Variants in CELF2 observed in about 807,000 individuals in gnomAD.
CELF2 encodes the protein CUG triplet repeat RNA-binding protein 2.
Under a neutral mutation model 62.6 loss-of-function variants are expected in CELF2, and 8 were observed. The observed-to-expected ratio is 0.13, with a 90% CI of 0.07 to 0.23. The LOEUF is 0.23. Ranked by LOEUF, CELF2 falls within the 10% of genes least tolerant of loss-of-function variation. The probability of loss-of-function intolerance (pLI) is 1.00; values close to 1 mark genes in which losing one functional copy is unlikely to be tolerated. For synonymous variants in CELF2, 258 were observed against 250.0 expected, an observed-to-expected ratio of 1.03 and a Z score of -0.30; for missense variants, 333 against 671.0, an observed-to-expected ratio of 0.50 and a Z score of 5.56.
chr10:10,916,994 T>G (rs1023553850), intron 1 of CELF2, among the ~76,000 whole-genome samples: 4 of 152,140 alleles, frequency 2.6e-5, no homozygotes, highest in Non-Finnish European at 5.9e-5. Context: ...CAACATCAGT[T>G]TTTCTTAAGT....
At chr10:10,891,254 A>G (rs2062116999) in intron 1 of CELF2, among the ~76,000 whole-genome samples, 1 of 152,118 alleles carries the variant, frequency 6.6e-6, no homozygotes, top group Admixed American at 6.5e-5. Context: ...TCTCTCATAT[A>G]AATCCTTAGC....
chr10:11,037,838 A>G (rs978767092), intron 1 of CELF2, among the ~76,000 whole-genome samples: 10 of 152,200 alleles, frequency 6.6e-5, no homozygotes, highest in African/African-American at 1.7e-4. Flanking sequence ...TCATGGTCCT[A>G]TGATTTTAAA....
rs149500345 is a variant in CELF2 at position 10,997,995 on chromosome 10, G to A, written c.89+77996G>A. 4.1e-3 allele frequency among the ~76,000 whole-genome samples: 629 copies of A among 152,272 alleles called. 5 individuals are homozygous for A. The highest frequency in any genetic ancestry group is 0.014 in the African/African-American group (601 of 41,558). On this transcript the variant is annotated intron_variant, in intron 2 of 13. Transcript: ENST00000636488. The surrounding 1 kb of genome is among the most constrained non-coding windows in gnomAD (Gnocchi z 5.3). ...TCTCATGCAGTTCTTGTGATAGTAA[G>A]TCTCATGAGATCTGATGGTTTTATA...
chr10:10,879,910 C>T (rs1021029067), intron 1 of CELF2, among the ~76,000 whole-genome samples: 5 of 152,164 alleles, frequency 3.3e-5, no homozygotes, highest in Non-Finnish European at 7.3e-5. Context: ...CGGAGGTGAC[C>T]ATCTTCCTAA....
At chr10:11,252,416 T>C (rs761351409) in intron 4 of CELF2, among the ~76,000 whole-genome samples, 2 of 152,230 alleles carry the variant, frequency 1.3e-5, no homozygotes, top group Non-Finnish European at 2.9e-5. Flanking sequence ...GTCTTCATTA[T>C]CACTGTGTTC....
At position 11,191,707 on chromosome 10, in the gene CELF2, C is replaced by G. The variant is rs1276616393; in HGVS notation, c.272-25718C>G. 1.3e-5 allele frequency among the ~76,000 whole-genome samples: 2 copies of G among 152,178 alleles called. No individual in the cohort carries two copies. The highest frequency in any genetic ancestry group is 2.9e-5 in the Non-Finnish European group (2 of 68,032). On this transcript the variant is annotated intron_variant, in intron 2 of 12. Transcript: ENST00000633077. This position sits in a 1 kb window ranked among gnomAD's most constrained non-coding sequence, Gnocchi z 4.1. ...ATGAGGCTTATTCCCAGTCGGCAGA[C>G]TGGACTTCTTCATAAGTGAAAAATA...
intron 1 of CELF2, among the ~76,000 whole-genome samples, chr10:11,148,615 A>T (rs1340327272): frequency 6.6e-6 from 1 of 152,154 alleles, no homozygotes; most frequent in African/African-American, 2.4e-5. Context: ...CATTCTTGAG[A>T]TGCCTGGCTT....
the CELF2 span, among the ~76,000 whole-genome samples, chr10:10,673,703 C>T: frequency 1.1e-4 from 17 of 152,244 alleles, no homozygotes; most frequent in Non-Finnish European, 1.0e-4. Flanking sequence ...GCACTGATTT[C>T]GCTGCATCCC....
chr10:10,843,175 C>T (rs1476211731), intron 1 of CELF2, among the ~76,000 whole-genome samples: 1 of 151,818 alleles, frequency 6.6e-6, no homozygotes, highest in Non-Finnish European at 1.5e-5. Flanking sequence ...TTTGTGTCTC[C>T]ACAAAGAAAA....
At chr10:10,502,398 G>A in the CELF2 span, among the ~76,000 whole-genome samples, 1 of 151,894 alleles carries the variant, frequency 6.6e-6, no homozygotes, top group Non-Finnish European at 1.5e-5. Context: ...GAAACCCTCT[G>A]GGCCTGGATA....
Position 10,997,691 on chromosome 10 carries a change from C to T in CELF2, c.89+77692C>T, listed in dbSNP as rs1262037060. Among the ~76,000 whole-genome samples the T allele has an allele frequency of 3.3e-5, 5 of 152,258 alleles. No individual in the cohort carries two copies. The highest frequency in any genetic ancestry group is 1.2e-4 in the African/African-American group (5 of 41,468). The stretch of plus-strand genomic sequence containing the variant: ...AAGAATAAATTCGGTCCCTTTTCCA[C>T]ATAAATATTACATGCATCTTGCACA... On this transcript the variant is annotated intron_variant, in intron 2 of 13. Transcript: ENST00000636488. This position sits in a 1 kb window ranked among gnomAD's most constrained non-coding sequence, Gnocchi z 5.3.
Position 11,025,231 on chromosome 10 carries a change from G to GTATATATA in CELF2, c.74+7069_74+7070insATATATAT, listed in dbSNP as rs776890125. 2.0e-3 allele frequency among the ~76,000 whole-genome samples: 94 copies of GTATATATA among 46,392 alleles called. 1 individual carries two copies. The East Asian group carries it at 0.12, about 59-fold the overall frequency. The allele number at this position is 46,392 out of a possible 152,430, so 30.4% of individuals were successfully genotyped here. On this transcript the variant is annotated intron_variant, in intron 1 of 12. Coordinates refer to ENST00000633077, the MANE Select transcript of CELF2 (RefSeq NM_001326342.2). ...TATGTGTGTGTGTGTGTGTGTGTGTGTGTGTGTGTATATGTATGTGACTGT... is the reference window on the plus strand; with the variant it reads ...TATGTGTGTGTGTGTGTGTGTGTGTGTATATATATGTGTGTGTATATGTATGTGACTGT...
chr10:11,066,087 A>G (rs2068075613), intron 1 of CELF2, among the ~76,000 whole-genome samples: 1 of 152,152 alleles, frequency 6.6e-6, no homozygotes, highest in East Asian at 1.9e-4. Context: ...AAAGGAGATC[A>G]GGCCACCGGA....
the CELF2 span, among the ~76,000 whole-genome samples, chr10:10,581,513 C>T: frequency 1.3e-5 from 2 of 152,114 alleles, no homozygotes; most frequent in African/African-American, 2.4e-5. Context: ...AAAGCTGACA[C>T]ACCAACACAA....
At chr10:10,767,711 T>G in the CELF2 span, among the ~76,000 whole-genome samples, 2 of 152,030 alleles carry the variant, frequency 1.3e-5, no homozygotes, top group East Asian at 3.9e-4. Flanking sequence ...AAAATATATT[T>G]GCTGGCTGGG....
intron 1 of CELF2, among the ~76,000 whole-genome samples, chr10:10,830,491 A>AT (rs2057761604): frequency 1.3e-5 from 2 of 152,158 alleles, no homozygotes; most frequent in African/African-American, 4.8e-5. Flanking sequence ...GCCAAGTTTG[A>AT]TTCGTCATTT....
At chr10:10,921,804 C>T (rs1340378166) in intron 2 of CELF2, among the ~76,000 whole-genome samples, 1 of 151,744 alleles carries the variant, frequency 6.6e-6, no homozygotes, top group Non-Finnish European at 1.5e-5. Context: ...GAGTCTTAGA[C>T]ATTCTACCTA....
the CELF2 span, among the ~76,000 whole-genome samples, chr10:10,574,695 T>A: frequency 6.9e-6 from 1 of 144,246 alleles, no homozygotes; most frequent in East Asian, 2.1e-4. Flanking sequence ...TGTATGTTAA[T>A]GTTTTTTTGT....
chr10:10,989,727 T>G (rs569146101), intron 2 of CELF2, among the ~76,000 whole-genome samples: 14 of 152,220 alleles, frequency 9.2e-5, no homozygotes, highest in African/African-American at 3.1e-4. Context: ...AAAAATAAAT[T>G]ATGATTTGTG....
Sources: allele counts gnomAD v4.1 joint callset (sites outside exome capture counted in the v4.1 genomes callset), GRCh38; gene constraint gnomAD v4.1.1; non-coding constraint Gnocchi (gnomAD v3.1); transcripts MANE v1.5; gene names NCBI Gene and HGNC (gene_info 2026-07-23, HGNC 2026-07-21).